Variants in CDKN2B-AS1 observed in about 807,000 individuals in gnomAD.
CDKN2B-AS1 encodes the protein CDKN2B and CDKN2A antisense cis and trans regulatory RNA 1, also known as CDKN2B antisense RNA 1 (non-protein coding).
chr9:22,110,437 A>C (rs925511622), intron 4 of CDKN2B-AS1, among the ~76,000 whole-genome samples: 1 of 152,212 alleles, frequency 6.6e-6, no homozygotes, highest in South Asian at 2.1e-4. Context: ...GGAATACAAC[A>C]GTGTACACAG....
intron 1 of CDKN2B-AS1, chr9:22,004,884 G>T (rs1346918095): frequency 4.3e-6 from 1 of 233,078 alleles, no homozygotes; most frequent in Non-Finnish European, 8.5e-6. Context: ...ATTTAACAAA[G>T]AAATAAATAG....
intron 1 of CDKN2B-AS1, chr9:22,029,649 C>G: frequency 1.9e-6 from 1 of 526,852 alleles, no homozygotes; most frequent in East Asian, 2.9e-5. Context: ...AAAAGAAGAG[C>G]CTTGGGGAAA....
chr9:21,998,843 T>C (rs1171847055), intron 1 of CDKN2B-AS1, among the ~76,000 whole-genome samples: 2 of 151,738 alleles, frequency 1.3e-5, no homozygotes, highest in Non-Finnish European at 2.9e-5. Context: ...ATGCTCAAAC[T>C]CAAAACCCCA....
intron 1 of CDKN2B-AS1, among the ~76,000 whole-genome samples, chr9:21,998,701 G>A (rs539141609): frequency 1.4e-4 from 21 of 152,222 alleles, no homozygotes; most frequent in African/African-American, 5.1e-4. Flanking sequence ...AGGGATAGGG[G>A]AGAAAAATCT....
intron 4 of CDKN2B-AS1, among the ~76,000 whole-genome samples, chr9:22,100,526 T>C (rs1398328995): frequency 6.6e-6 from 1 of 152,196 alleles, no homozygotes; most frequent in Non-Finnish European, 1.5e-5. Context: ...AAATACTCTA[T>C]TTTATGTATA....
At chr9:22,082,203 T>G (rs558464766) in intron 4 of CDKN2B-AS1, among the ~76,000 whole-genome samples, 1 of 152,358 alleles carries the variant, frequency 6.6e-6, no homozygotes, top group African/African-American at 2.4e-5. Context: ...TTGGTCTGGT[T>G]GTACTTTTCT....
At chr9:22,023,061 C>T (rs1398249157) in intron 1 of CDKN2B-AS1, among the ~76,000 whole-genome samples, 1 of 152,030 alleles carries the variant, frequency 6.6e-6, no homozygotes, top group East Asian at 1.9e-4. Flanking sequence ...AACATTTGTT[C>T]TTTCATTTTG....
chr9:22,088,802 A>G (rs1026568600), intron 4 of CDKN2B-AS1, among the ~76,000 whole-genome samples: 5 of 152,208 alleles, frequency 3.3e-5, no homozygotes, highest in African/African-American at 1.2e-4. Context: ...GAACTTTGAA[A>G]CACCACTGTA....
chr9:22,099,516 C>A (rs928631747), intron 4 of CDKN2B-AS1, among the ~76,000 whole-genome samples: 1 of 152,012 alleles, frequency 6.6e-6, no homozygotes, highest in Non-Finnish European at 1.5e-5. Context: ...TTTAGCTGGT[C>A]ATTTCTTTCT....
intron 1 of CDKN2B-AS1, chr9:22,009,259 C>T (rs1032658747): frequency 1.9e-5 from 10 of 528,532 alleles, no homozygotes; most frequent in Admixed American, 1.7e-4. Context: ...CCGCAGGGTG[C>T]GGACGCGTCG....
At chr9:22,033,846 A>C (rs1422794156) in intron 1 of CDKN2B-AS1, among the ~76,000 whole-genome samples, 1 of 152,194 alleles carries the variant, frequency 6.6e-6, no homozygotes, top group Non-Finnish European at 1.5e-5. Context: ...CTTTGTTGGC[A>C]CTGAATGTGC....
chr9:22,008,789 C>T lies in CDKN2B-AS1; in HGVS notation n.29+13628C>T, dbSNP rs371777152. On this transcript the variant is annotated intron_variant and non_coding_transcript_variant, in intron 1 of 4. Transcript: ENST00000650946. ...CCCCCTGCCGGCGAGGCCCTGGGGC[C>T]CCAGCTACCTGGATCGCGCGCCTCC... 80 of 1,606,878 alleles carry T rather than the reference C, an allele frequency of 5.0e-5. No individual in the cohort carries two copies. Among genetic ancestry groups the T allele is most frequent in the Middle Eastern group, 1.6e-4 (1 of 6,072 alleles).
At chr9:22,072,187 A>G (rs1824322459) in intron 4 of CDKN2B-AS1, among the ~76,000 whole-genome samples, 1 of 152,202 alleles carries the variant, frequency 6.6e-6, no homozygotes, top group Non-Finnish European at 1.5e-5. Context: ...CTTGCCTCTG[A>G]GGGAAATAAA....
intron 4 of CDKN2B-AS1, among the ~76,000 whole-genome samples, chr9:22,057,651 T>A (rs1354508127): frequency 6.6e-6 from 1 of 151,646 alleles, no homozygotes. Context: ...CTCTACAAAA[T>A]ACAAAAATTA....
intron 4 of CDKN2B-AS1, among the ~76,000 whole-genome samples, chr9:22,100,152 A>G (rs1222280794): frequency 6.6e-6 from 1 of 152,130 alleles, no homozygotes; most frequent in Non-Finnish European, 1.5e-5. Context: ...TCTTAAAACA[A>G]CTTTATTGAG....
At chr9:21,998,267 G>A (rs951074986) in intron 1 of CDKN2B-AS1, among the ~76,000 whole-genome samples, 1 of 152,212 alleles carries the variant, frequency 6.6e-6, no homozygotes, top group Admixed American at 6.5e-5. Context: ...GGAATGCGGA[G>A]TGACTATTGG....
chr9:22,029,638 T>C lies in CDKN2B-AS1; in HGVS notation n.30-17113T>C, dbSNP rs554904978. ...ACCATCATCTTTCAGGTCTGTGTGA[T>C]AAAAGAAGAGCCTTGGGGAAATGTT... On this transcript the variant is annotated intron_variant and non_coding_transcript_variant, in intron 1 of 4. Transcript: ENST00000650946. The C allele has an allele frequency of 1.9e-4, 109 of 565,422 alleles. No individual in the cohort carries two copies. In the South Asian group the frequency reaches 3.0e-3, roughly 16 times the overall value. The allele number at this position is 565,422 out of a possible 1,614,324, so 35.0% of individuals were successfully genotyped here. A position where few individuals can be genotyped will look rare whatever the true frequency, so the allele number is the denominator to read the frequency against.
intron 1 of CDKN2B-AS1, among the ~76,000 whole-genome samples, chr9:22,036,696 G>T (rs946351859): frequency 6.6e-6 from 1 of 152,026 alleles, no homozygotes; most frequent in Non-Finnish European, 1.5e-5. Flanking sequence ...TTAACAGGTG[G>T]TGTTTTCTTG....
At chr9:22,083,489 T>G (rs368567346) in intron 4 of CDKN2B-AS1, among the ~76,000 whole-genome samples, 1 of 152,144 alleles carries the variant, frequency 6.6e-6, no homozygotes, top group African/African-American at 2.4e-5. Context: ...TCTCAATGAG[T>G]AGCCAGTTCT....
Sources: gnomAD v4.1 joint callset for allele counts (sites outside exome capture counted in the v4.1 genomes callset) on GRCh38, gnomAD v4.1.1 for gene constraint, MANE v1.5 for transcripts, NCBI Gene and HGNC (gene_info 2026-07-23, HGNC 2026-07-21) for gene names.